Variants in PTPRT observed in about 807,000 individuals in gnomAD.
PTPRT encodes protein tyrosine phosphatase receptor type T, also known as receptor-type tyrosine-protein phosphatase T.
Under a neutral mutation model 176.8 loss-of-function variants are expected in PTPRT, and 56 were observed. The ratio of observed to expected loss-of-function variants is 0.32; its 90% CI spans 0.26 to 0.40. The LOEUF is 0.40. PTPRT is among the 10% of genes least tolerant of loss of function. The probability of loss-of-function intolerance (pLI) is 1.00; values close to 1 mark genes in which losing one functional copy is unlikely to be tolerated. For missense variants in PTPRT, 1,540 were observed against 1,908.2 expected, an observed-to-expected ratio of 0.81 and a Z score of 3.60; for synonymous variants, 783 against 739.0, an observed-to-expected ratio of 1.06 and a Z score of -0.96.
At chr20:42,207,284 T>C (rs1429562375) in intron 15 of PTPRT, among the ~76,000 whole-genome samples, 1 of 152,084 alleles carries the variant, frequency 6.6e-6, no homozygotes, top group African/African-American at 2.4e-5. Context: ...GGAACAAAGC[T>C]GGATGGAGAA....
At chr20:42,124,887 TGTATGGATC>T (rs1293252117) in intron 19 of PTPRT, among the ~76,000 whole-genome samples, 1 of 152,212 alleles carries the variant, frequency 6.6e-6, no homozygotes, top group Non-Finnish European at 1.5e-5. Flanking sequence ...TGGTCTGCTC[TGTATGGATC>T]GCGCCATGGG....
chr20:42,611,597 C>G (rs988683106), intron 7 of PTPRT, among the ~76,000 whole-genome samples: 3 of 152,180 alleles, frequency 2.0e-5, no homozygotes, highest in Admixed American at 2.0e-4. Context: ...ACCTGCATAG[C>G]CCTCTCCATG....
chr20:42,977,739 T>G (rs1983031393), intron 1 of PTPRT, among the ~76,000 whole-genome samples: 1 of 152,242 alleles, frequency 6.6e-6, no homozygotes, highest in African/African-American at 2.4e-5. Context: ...TGCAGATAAT[T>G]ATATCAAATG....
At chr20:42,527,263 G>C (rs917009651) in intron 7 of PTPRT, among the ~76,000 whole-genome samples, 1 of 151,854 alleles carries the variant, frequency 6.6e-6, no homozygotes, top group Non-Finnish European at 1.5e-5. Context: ...GTGCCCGGCC[G>C]ACTTCTTGGT....
intron 16 of PTPRT, among the ~76,000 whole-genome samples, chr20:42,173,094 G>C (rs950399466): frequency 6.6e-6 from 1 of 152,172 alleles, no homozygotes; most frequent in African/African-American, 2.4e-5. Flanking sequence ...TGATCTACAA[G>C]GGCCATCAAT....
intron 15 of PTPRT, among the ~76,000 whole-genome samples, chr20:42,227,510 CA>C (rs2056041518): frequency 6.6e-6 from 1 of 150,950 alleles, no homozygotes. Flanking sequence ...ACTGATAATA[CA>C]AAAACTCTAA....
intron 1 of PTPRT, among the ~76,000 whole-genome samples, chr20:43,047,398 A>G (rs1986879934): frequency 6.6e-6 from 1 of 152,194 alleles, no homozygotes; most frequent in Non-Finnish European, 1.5e-5. Flanking sequence ...GACTTCAGCT[A>G]TTAGCTTATT....
chr20:43,159,448 T>A (rs965610670), intron 1 of PTPRT, among the ~76,000 whole-genome samples: 1 of 152,214 alleles, frequency 6.6e-6, no homozygotes, highest in South Asian at 2.1e-4. Context: ...TTTCCATCTA[T>A]AAAATGGCAG....
chr20:42,960,649 T>G (rs1273629939), intron 1 of PTPRT, among the ~76,000 whole-genome samples: 1 of 152,120 alleles, frequency 6.6e-6, no homozygotes, highest in Non-Finnish European at 1.5e-5. Context: ...CTCCCCCCAG[T>G]ATTGGGATCA....
intron 9 of PTPRT, among the ~76,000 whole-genome samples, chr20:42,354,841 G>A (rs1454467600): frequency 6.6e-6 from 1 of 152,168 alleles, no homozygotes; most frequent in African/African-American, 2.4e-5. Flanking sequence ...AACAGTAGTG[G>A]TGCCGCATCC....
intron 7 of PTPRT, among the ~76,000 whole-genome samples, chr20:42,649,489 G>A (rs1170402255): frequency 5.3e-5 from 8 of 152,196 alleles, no homozygotes; most frequent in Middle Eastern, 3.4e-3. Flanking sequence ...TATAACTGGG[G>A]CAGTCTGATT....
At chr20:42,311,027 T>C (rs1403195483) in intron 12 of PTPRT, among the ~76,000 whole-genome samples, 1 of 152,222 alleles carries the variant, frequency 6.6e-6, no homozygotes, top group Non-Finnish European at 1.5e-5. Context: ...GTCTATAAAA[T>C]GTCTTTATCC....
At chr20:42,854,056 T>C (rs746464121) in intron 2 of PTPRT, among the ~76,000 whole-genome samples, 31 of 152,142 alleles carry the variant, frequency 2.0e-4, no homozygotes, top group Non-Finnish European at 3.7e-4. Context: ...GGAGTAGAAC[T>C]GGGGAGACCT....
chr20:42,048,446 G>A, the PTPRT span, among the ~76,000 whole-genome samples: 1 of 152,184 alleles, frequency 6.6e-6, no homozygotes, highest in African/African-American at 2.4e-5. Context: ...TTGGTCATAA[G>A]AGGTGATAAA....
intron 7 of PTPRT, among the ~76,000 whole-genome samples, chr20:42,529,123 C>T (rs1178083408): frequency 4.6e-5 from 7 of 152,338 alleles, no homozygotes; most frequent in African/African-American, 1.7e-4. Context: ...GCTCAAGTTT[C>T]ACTACATAAC....
At chr20:42,659,214 A>C (rs897556855) in intron 7 of PTPRT, among the ~76,000 whole-genome samples, 1 of 152,172 alleles carries the variant, frequency 6.6e-6, no homozygotes, top group Non-Finnish European at 1.5e-5. Flanking sequence ...CTCAAAAAAA[A>C]CATCTGGGTC....
chr20:42,932,439 C>G (rs1401948498), intron 1 of PTPRT, among the ~76,000 whole-genome samples: 1 of 152,098 alleles, frequency 6.6e-6, no homozygotes, highest in Non-Finnish European at 1.5e-5. Context: ...AAGCTGCAGC[C>G]CAGAAGAAGA....
intron 7 of PTPRT, among the ~76,000 whole-genome samples, chr20:42,572,043 A>T (rs975663057): frequency 1.6e-4 from 24 of 152,250 alleles, no homozygotes; most frequent in African/African-American, 5.8e-4. Flanking sequence ...AGTTCTGGGG[A>T]CTGGGAAGTC....
At chr20:42,719,226 G>A (rs576099328) in intron 6 of PTPRT, among the ~76,000 whole-genome samples, 4 of 152,308 alleles carry the variant, frequency 2.6e-5, no homozygotes, top group African/African-American at 9.6e-5. Context: ...AGATATGGGT[G>A]TGGGAGTCAT....
Sources: gnomAD v4.1 joint callset for allele counts (sites outside exome capture counted in the v4.1 genomes callset) on GRCh38, gnomAD v4.1.1 for gene constraint, MANE v1.5 for transcripts, NCBI Gene and HGNC (gene_info 2026-07-23, HGNC 2026-07-21) for gene names.